The following SLC35D1 variants were observed in gnomAD, a reference collection of about 807,000 sequenced individuals.
The protein encoded by SLC35D1 is solute carrier family 35 member D1, also known as nucleotide sugar transporter SLC35D1.
In SLC35D1, 31 loss-of-function variants were observed where a neutral mutation model predicts 46.7. That is an observed-to-expected ratio of 0.66 (90% CI 0.50 to 0.90). SLC35D1 has a LOEUF of 0.90. SLC35D1 is among the 40% of genes least tolerant of loss of function. The pLI, the probability that SLC35D1 is intolerant of heterozygous loss-of-function variation, is 0.00. For missense variants in SLC35D1, 397 were observed against 426.2 expected (o/e 0.93, Z 0.60); for synonymous variants, 195 against 164.6 (o/e 1.18, Z -1.41).
the SLC35D1 span, among the ~76,000 whole-genome samples, chr1:66,975,667 A>G: frequency 5.3e-5 from 8 of 152,346 alleles, no homozygotes; most frequent in Admixed American, 2.0e-4. Context: ...TTCTGTCAGC[A>G]TCATTTAATT....
At chr1:67,030,302 A>C (rs1172994303) in intron 8 of SLC35D1, among the ~76,000 whole-genome samples, 3 of 152,204 alleles carry the variant, frequency 2.0e-5, no homozygotes, top group Non-Finnish European at 4.4e-5. Flanking sequence ...ACATAAAAGA[A>C]ATCTCAGCCC....
intron 10 of SLC35D1, among the ~76,000 whole-genome samples, chr1:67,019,800 G>A (rs1384185330): frequency 1.3e-5 from 2 of 152,170 alleles, no homozygotes; most frequent in Non-Finnish European, 2.9e-5. Flanking sequence ...CAGGCTTCAA[G>A]CCACCAACTT....
At chr1:66,992,342 A>T in the SLC35D1 span, among the ~76,000 whole-genome samples, 1 of 152,168 alleles carries the variant, frequency 6.6e-6, no homozygotes, top group Admixed American at 6.5e-5. Context: ...TAGCAGGTGC[A>T]CTCTAACCTG....
At chr1:67,033,734 GT>G (rs1054673137) in intron 8 of SLC35D1, among the ~76,000 whole-genome samples, 9 of 152,164 alleles carry the variant, frequency 5.9e-5, no homozygotes, top group African/African-American at 2.2e-4. Flanking sequence ...GTCTGTGCTT[GT>G]GGGGTATTAC....
At chr1:67,025,840 T>G (rs1667903566) in intron 8 of SLC35D1, among the ~76,000 whole-genome samples, 1 of 152,208 alleles carries the variant, frequency 6.6e-6, no homozygotes, top group Admixed American at 6.5e-5. Context: ...TTTACTTAGC[T>G]TCCAAGTGTT....
chr1:67,031,673 T>C (rs1416921889), intron 8 of SLC35D1, among the ~76,000 whole-genome samples: 1 of 152,204 alleles, frequency 6.6e-6, no homozygotes. Flanking sequence ...TAACTTTCCA[T>C]GTGGCCATCA....
intron 10 of SLC35D1, among the ~76,000 whole-genome samples, chr1:67,017,845 T>C (rs1667717775): frequency 6.6e-6 from 1 of 152,182 alleles, no homozygotes; most frequent in African/African-American, 2.4e-5. Context: ...CTAAAAAAGA[T>C]ATGGGGCAAT....
At chr1:67,020,500 T>C (rs1400220936) in intron 9 of SLC35D1, 53 bp from the exon 10 acceptor site, 5 of 1,210,822 alleles carry the variant, frequency 4.1e-6, no homozygotes, top group Admixed American at 1.7e-5. Context: ...TACTAATCTC[T>C]AGCCAAGATA....
At position 67,054,137 on chromosome 1, in the gene SLC35D1, G is replaced by T. The variant is rs1645347579; in HGVS notation, c.-124C>A. The T allele has an allele frequency of 1.1e-6, 1 of 943,140 alleles. No individual in the cohort carries two copies. The allele number at this position is 943,140 out of a possible 1,614,324, so 58.4% of individuals were successfully genotyped here. A position where few individuals can be genotyped will look rare whatever the true frequency, so the allele number is the denominator to read the frequency against. Reference sequence around the variant, plus strand: ...AGGCCAGCTGCGCGCTCGCCGCCTCGACTCCCCGCTTGGCCGCCGCCTGTC... The same window carrying T: ...AGGCCAGCTGCGCGCTCGCCGCCTCTACTCCCCGCTTGGCCGCCGCCTGTC... On this transcript the variant is annotated 5_prime_UTR_variant, in exon 1 of 12. Coordinates refer to ENST00000235345, the MANE Select transcript of SLC35D1 (RefSeq NM_015139.3).
At position 67,053,822 on chromosome 1, in the gene SLC35D1, G is replaced by A. The variant is rs753103405; in HGVS notation, c.192C>T (p.Leu64=). 2.2e-5 allele frequency: 35 copies of A among 1,610,716 alleles called. No individual in the cohort carries two copies. Among genetic ancestry groups the A allele is most frequent in the Middle Eastern group, 1.6e-4 (1 of 6,066 alleles). The change falls in exon 1 of 12, where the codon CTC becomes CTT. Residue 64 remains leucine, a synonymous_variant. Transcript: ENST00000235345. ...FLIVVVNKSV[L]TNYRFPSSLC... is the part of the protein sequence containing the mutation. ...CGCCTCGGCCCTACCTGTAATTGGT[G>A]AGCACGCTCTTATTCACCACCACGA...
the SLC35D1 span, among the ~76,000 whole-genome samples, chr1:66,975,423 G>T: frequency 6.6e-6 from 1 of 151,778 alleles, no homozygotes; most frequent in Non-Finnish European, 1.5e-5. Context: ...GTTATTGAGG[G>T]TGCTGAGGCA....
At chr1:67,050,636 A>T in intron 4 of SLC35D1, 132 bp from the exon 5 acceptor site, 1 of 742,790 alleles carries the variant, frequency 1.3e-6, no homozygotes, top group Non-Finnish European at 2.3e-6. Context: ...TTTATGGTTA[A>T]ACCCCTGCTT....
At chr1:67,038,040 G>A (rs1399624563) in intron 8 of SLC35D1, among the ~76,000 whole-genome samples, 4 of 152,122 alleles carry the variant, frequency 2.6e-5, no homozygotes, top group African/African-American at 9.7e-5. Flanking sequence ...GGTAAGAATG[G>A]TTAGAAACAT....
the SLC35D1 span, among the ~76,000 whole-genome samples, chr1:66,977,821 AAAAAAT>A: frequency 6.6e-6 from 1 of 152,174 alleles, no homozygotes; most frequent in African/African-American, 2.4e-5. Context: ...AATGCAAAAT[AAAAAAT>A]AAAAATAAAA....
the SLC35D1 span, chr1:66,976,778 AT>A: frequency 1.3e-5 from 18 of 1,369,104 alleles, no homozygotes; most frequent in Non-Finnish European, 1.7e-5. Context: ...GCTTTTCTAG[AT>A]TTTTCTTGAG....
chr1:67,042,180 A>T, intron 8 of SLC35D1, 56 bp downstream of exon 8: 1 of 1,445,120 alleles, frequency 6.9e-7, no homozygotes, highest in Non-Finnish European at 9.7e-7. Flanking sequence ...TTTTCATCAT[A>T]AATAATAATG....
the SLC35D1 span, among the ~76,000 whole-genome samples, chr1:66,989,630 A>AT: frequency 8.6e-5 from 13 of 151,832 alleles, no homozygotes; most frequent in Admixed American, 3.3e-4. Context: ...TGCTCAGCTA[A>AT]TTTTTTTTAT....
At chr1:67,053,107 G>GC in intron 1 of SLC35D1, 118 bp from the exon 2 acceptor site, 1 of 1,204,392 alleles carries the variant, frequency 8.3e-7, no homozygotes, top group Non-Finnish European at 1.2e-6. Context: ...ATCAACGTCC[G>GC]CCCCTAAATC....
the SLC35D1 span, among the ~76,000 whole-genome samples, chr1:66,977,497 T>C: frequency 6.6e-6 from 1 of 152,206 alleles, no homozygotes; most frequent in Non-Finnish European, 1.5e-5. Context: ...ACAAGTAATA[T>C]TTAAGAATTA....
Sources: gnomAD v4.1 joint callset for allele counts (sites outside exome capture counted in the v4.1 genomes callset) on GRCh38, gnomAD v4.1.1 for gene constraint, MANE v1.5 for transcripts, NCBI Gene and HGNC (gene_info 2026-07-23, HGNC 2026-07-21) for gene names.